The following CEP128 variants were observed in gnomAD, a reference collection of about 807,000 sequenced individuals.
CEP128 encodes the protein centrosomal protein 128.
CEP128 carries 132 observed loss-of-function variants against 156.7 expected under a neutral mutation model. The observed-to-expected ratio is 0.84, with a 90% CI of 0.73 to 0.97. The LOEUF (loss-of-function observed/expected upper bound fraction) is 0.97. Among genes scored for constraint, CEP128 ranks in the 50% least tolerant of loss-of-function variants. CEP128 has a pLI of 0.00. For missense variants in CEP128, 1,252 were observed against 1,281.9 expected (o/e 0.98, Z 0.36); for synonymous variants, 469 against 448.9 (o/e 1.04, Z -0.57).
At chr14:80,636,931 A>C (rs1276448711) in intron 19 of CEP128, among the ~76,000 whole-genome samples, 1 of 152,060 alleles carries the variant, frequency 6.6e-6, no homozygotes, top group Non-Finnish European at 1.5e-5. Context: ...TACTAAAAAT[A>C]CAAAATTAGC....
At chr14:80,907,803 A>C (rs189318901) in intron 4 of CEP128, among the ~76,000 whole-genome samples, 1 of 152,318 alleles carries the variant, frequency 6.6e-6, no homozygotes, top group Admixed American at 6.5e-5. Context: ...GTGATCACAA[A>C]GTAGTATATC....
At position 80,926,903 on chromosome 14, in the gene CEP128, G is replaced by A. The variant is rs117088913; in HGVS notation, c.-15-10341C>T. Among the ~76,000 whole-genome samples, 1,264 of 152,320 alleles carry A rather than the reference G, an allele frequency of 8.3e-3. 13 individuals carry two copies. Among genetic ancestry groups the A allele is most frequent in the Non-Finnish European group, 0.01 (687 of 68,018 alleles). On this transcript the variant is annotated intron_variant, in intron 2 of 24. Transcript: ENST00000555265. The stretch of plus-strand genomic sequence containing the variant: ...CATTACTACTACAGCTGGCATTTGA[G>A]AAAGCCAACACACTAAGGCTATTTA...
intron 15 of CEP128, among the ~76,000 whole-genome samples, chr14:80,779,270 G>T (rs536427856): frequency 2.0e-4 from 30 of 152,148 alleles, no homozygotes; most frequent in African/African-American, 7.2e-4. Context: ...GCAATCAATG[G>T]AAACAATTTC....
intron 19 of CEP128, among the ~76,000 whole-genome samples, chr14:80,647,093 T>TG (rs1566831683): frequency 1.3e-5 from 1 of 74,298 alleles, no homozygotes; most frequent in Non-Finnish European, 2.5e-5. Context: ...ATATACACCC[T>TG]TATAAATACA....
intron 23 of CEP128, among the ~76,000 whole-genome samples, chr14:80,508,067 C>T (rs1318886604): frequency 6.6e-6 from 1 of 152,168 alleles, no homozygotes; most frequent in African/African-American, 2.4e-5. Flanking sequence ...AGGCATGTGC[C>T]ACCATGCCTG....
intron 19 of CEP128, among the ~76,000 whole-genome samples, chr14:80,734,183 T>C (rs1291326366): frequency 6.6e-6 from 1 of 152,144 alleles, no homozygotes; most frequent in Non-Finnish European, 1.5e-5. Flanking sequence ...TAATCTATAC[T>C]GCTACAAAGG....
Position 80,736,573 on chromosome 14 carries a change from A to G in CEP128, c.2806+6502T>C, listed in dbSNP as rs145114450. Among the ~76,000 whole-genome samples the G allele has an allele frequency of 2.1e-3, 319 of 152,258 alleles. 2 individuals are homozygous for G. The highest frequency in any genetic ancestry group is 3.9e-3 in the Non-Finnish European group (268 of 68,008). On this transcript the variant is annotated intron_variant, in intron 19 of 24. Coordinates refer to ENST00000555265, the MANE Select transcript of CEP128 (RefSeq NM_152446.5). ...CTCAATATTTTGGAAGAGGAAAAATACAAACTTTAAATATTTAAACTCCCC... is the reference window on the plus strand; with the variant it reads ...CTCAATATTTTGGAAGAGGAAAAATGCAAACTTTAAATATTTAAACTCCCC...
At chr14:80,805,763 C>T (rs1884140079) in intron 13 of CEP128, among the ~76,000 whole-genome samples, 1 of 152,156 alleles carries the variant, frequency 6.6e-6, no homozygotes, top group Non-Finnish European at 1.5e-5. Flanking sequence ...AGGCAAGTCT[C>T]TTTGAATAAA....
chr14:80,684,221 T>C (rs146185806), intron 19 of CEP128, among the ~76,000 whole-genome samples: 3 of 151,680 alleles, frequency 2.0e-5, no homozygotes, highest in East Asian at 3.9e-4. Context: ...GGGAAAAAAA[T>C]AGAAGATGCA....
intron 13 of CEP128, among the ~76,000 whole-genome samples, chr14:80,805,138 T>C (rs1030320578): frequency 6.6e-6 from 1 of 152,030 alleles, no homozygotes; most frequent in African/African-American, 2.4e-5. Flanking sequence ...CCTCAAGGTT[T>C]ATCCCAAACC....
chr14:80,758,435 T>C (rs1899783483), intron 17 of CEP128, among the ~76,000 whole-genome samples: 1 of 151,724 alleles, frequency 6.6e-6, no homozygotes, highest in African/African-American at 2.4e-5. Flanking sequence ...GGCAAGAGAA[T>C]TGCTTGAACC....
chr14:80,689,670 C>CTGTGTG, intron 19 of CEP128, among the ~76,000 whole-genome samples: 1 of 151,584 alleles, frequency 6.6e-6, no homozygotes, highest in East Asian at 1.9e-4. Context: ...CTGTTGTACT[C>CTGTGTG]TGTGTGTGTG....
chr14:80,883,719 GA>G (rs998406810), intron 8 of CEP128, among the ~76,000 whole-genome samples: 1 of 151,524 alleles, frequency 6.6e-6, no homozygotes. Flanking sequence ...CACTGAAATA[GA>G]AAAAAAATCC....
At chr14:80,538,569 C>T (rs937533463) in intron 21 of CEP128, among the ~76,000 whole-genome samples, 4 of 152,170 alleles carry the variant, frequency 2.6e-5, no homozygotes, top group African/African-American at 9.7e-5. Flanking sequence ...TTTGCTTTAT[C>T]ATATATCAAT....
At chr14:80,829,245 A>C (rs2140035073) in intron 13 of CEP128, among the ~76,000 whole-genome samples, 1 of 152,334 alleles carries the variant, frequency 6.6e-6, no homozygotes, top group East Asian at 1.9e-4. Context: ...CAAATTAAGA[A>C]AATCAGAAAA....
At chr14:80,744,791 A>C (rs975482406) in intron 18 of CEP128, among the ~76,000 whole-genome samples, 2 of 152,174 alleles carry the variant, frequency 1.3e-5, no homozygotes, top group Non-Finnish European at 2.9e-5. Context: ...ATCCTGGCCA[A>C]GTGCAGCAGG....
intron 13 of CEP128, among the ~76,000 whole-genome samples, chr14:80,819,484 G>A (rs1336761289): frequency 6.6e-6 from 1 of 151,918 alleles, no homozygotes; most frequent in East Asian, 1.9e-4. Flanking sequence ...CTGACATTGT[G>A]ATCCGCCCAC....
At chr14:80,940,913 G>C (rs1212943044) in intron 1 of CEP128, among the ~76,000 whole-genome samples, 2 of 152,158 alleles carry the variant, frequency 1.3e-5, no homozygotes, top group African/African-American at 2.4e-5. Flanking sequence ...CAGGGTGCCA[G>C]GCACTGTGCT....
chr14:80,669,538 C>T (rs574455649), intron 19 of CEP128, among the ~76,000 whole-genome samples: 3 of 152,010 alleles, frequency 2.0e-5, no homozygotes, highest in Non-Finnish European at 2.9e-5. Flanking sequence ...AGAAGACATA[C>T]AAATGGCCAA....
Sources: allele counts gnomAD v4.1 joint callset (sites outside exome capture counted in the v4.1 genomes callset), GRCh38; gene constraint gnomAD v4.1.1; transcripts MANE v1.5; gene names NCBI Gene and HGNC (gene_info 2026-07-23, HGNC 2026-07-21).